SACM1L: variants seen among roughly 807,000 people sequenced by gnomAD.
The protein encoded by SACM1L is SAC1 like phosphatidylinositide phosphatase, also known as phosphatidylinositol-3-phosphatase SAC1.
A neutral mutation model predicts 89.5 loss-of-function variants in SACM1L; 32 were observed. The ratio of observed to expected loss-of-function variants is 0.36; its 90% CI spans 0.27 to 0.48. SACM1L has a LOEUF of 0.48. SACM1L is among the 20% of genes least tolerant of loss of function. The pLI, the probability that SACM1L is intolerant of heterozygous loss-of-function variation, is 0.99. For synonymous variants in SACM1L, 213 were observed against 232.8 expected, an observed-to-expected ratio of 0.92 and a Z score of 0.77; for missense variants, 543 against 708.5, an observed-to-expected ratio of 0.77 and a Z score of 2.65.
At chr3:45,722,715 T>C (rs1183213936) in intron 9 of SACM1L, among the ~76,000 whole-genome samples, 154 bp from the exon 10 acceptor site, 1 of 152,214 alleles carries the variant, frequency 6.6e-6, no homozygotes, top group Non-Finnish European at 1.5e-5. Context: ...ATATGAACTT[T>C]AGGAGCAGAT....
At chr3:45,722,393 C>G (rs1698808871) in intron 9 of SACM1L, among the ~76,000 whole-genome samples, 1 of 152,100 alleles carries the variant, frequency 6.6e-6, no homozygotes, top group Non-Finnish European at 1.5e-5. Context: ...GATGATAGGA[C>G]AAGCTGATGG....
chr3:45,740,717 GTC>G (rs1026148099), intron 19 of SACM1L, among the ~76,000 whole-genome samples: 33 of 152,196 alleles, frequency 2.2e-4, no homozygotes, highest in African/African-American at 7.9e-4. Context: ...CTTTATAAGT[GTC>G]TGTGATTTTT....
At chr3:45,702,512 G>C (rs1698298767) in intron 1 of SACM1L, among the ~76,000 whole-genome samples, 1 of 152,200 alleles carries the variant, frequency 6.6e-6, no homozygotes, top group Admixed American at 6.5e-5. Context: ...GCCTTGCTCA[G>C]CTTCTGGAAA....
chr3:45,726,299 C>G (rs918297412), intron 11 of SACM1L, among the ~76,000 whole-genome samples: 6 of 151,344 alleles, frequency 4.0e-5, no homozygotes, highest in Non-Finnish European at 7.4e-5. Context: ...GTACAATTCA[C>G]TGGTGAGTTC....
At chr3:45,722,541 A>G (rs1047514787) in intron 9 of SACM1L, among the ~76,000 whole-genome samples, 7 of 152,238 alleles carry the variant, frequency 4.6e-5, no homozygotes, top group Admixed American at 2.0e-4. Context: ...AAATGAATAA[A>G]GCAATTTTCT....
At chr3:45,721,377 C>G (rs1186516169) in intron 8 of SACM1L, among the ~76,000 whole-genome samples, 2 of 152,186 alleles carry the variant, frequency 1.3e-5, no homozygotes, top group African/African-American at 4.8e-5. Flanking sequence ...CAAAACTTAG[C>G]TGGGCGTGGT....
chr3:45,702,897 A>T (rs943351285), intron 1 of SACM1L, among the ~76,000 whole-genome samples: 1 of 152,154 alleles, frequency 6.6e-6, no homozygotes, highest in African/African-American at 2.4e-5. Context: ...ATTTGTTTTT[A>T]AAAATTTCCT....
chr3:45,710,650 CAG>C (rs1341593045), intron 5 of SACM1L, among the ~76,000 whole-genome samples: 2 of 151,928 alleles, frequency 1.3e-5, no homozygotes, highest in African/African-American at 2.4e-5. Flanking sequence ...AATGAGAAGA[CAG>C]AATTTAAAAG....
chr3:45,725,728 A>T (rs1051118194), intron 11 of SACM1L, among the ~76,000 whole-genome samples: 4 of 151,500 alleles, frequency 2.6e-5, no homozygotes, highest in Non-Finnish European at 5.9e-5. Context: ...AACTACTAAT[A>T]CTATGTTGAA....
At chr3:45,726,549 T>A (rs1488655003) in intron 11 of SACM1L, among the ~76,000 whole-genome samples, 2 of 152,198 alleles carry the variant, frequency 1.3e-5, no homozygotes, top group Non-Finnish European at 2.9e-5. Flanking sequence ...CAGAAATTGC[T>A]AGTAATGTCC....
chr3:45,731,298 C>T lies in SACM1L; in HGVS notation c.922-3C>T. 6.2e-7 allele frequency: 1 copy of T among 1,602,112 alleles called. No homozygotes were observed. The highest frequency in any genetic ancestry group is 8.5e-7 in the Non-Finnish European group (1 of 1,173,754). ...AAACTATGGTGTTTGAAATTTTTTA[C>T]AGATTAACCAGAAGGGCTCGGAGAA... On this transcript the variant is annotated splice_polypyrimidine_tract_variant and splice_region_variant and intron_variant, in intron 11 of 19. Coordinates refer to ENST00000389061, the MANE Select transcript of SACM1L (RefSeq NM_014016.5).
intron 2 of SACM1L, among the ~76,000 whole-genome samples, chr3:45,703,799 T>C (rs1340100155): frequency 6.6e-6 from 1 of 152,208 alleles, no homozygotes; most frequent in Admixed American, 6.5e-5. Flanking sequence ...TTTATTATTT[T>C]TTTCCCTTAG....
At position 45,722,964 on chromosome 3, in the gene SACM1L, C is replaced by A; in HGVS notation, c.852+9C>A. ...GCAAAGTAGCAAATCACGTGTGTAT[C>A]TTGCATGCCTTTTTTGTTGGTTAAA... On this transcript the variant is annotated intron_variant, in intron 10 of 19. Transcript: ENST00000389061. The A allele has an allele frequency of 1.3e-6, 2 of 1,599,962 alleles. No homozygotes were observed. Among genetic ancestry groups the A allele is most frequent in the Non-Finnish European group, 8.6e-7 (1 of 1,168,208 alleles).
intron 4 of SACM1L, among the ~76,000 whole-genome samples, chr3:45,707,885 CTTGATAAATTTTTTTACA>C (rs1251223427): frequency 6.6e-6 from 1 of 151,392 alleles, no homozygotes; most frequent in Non-Finnish European, 1.5e-5. Context: ...GTTCAAGTCT[CTTGATAAATTTTTTTACA>C]AAGAAAATAT....
intron 7 of SACM1L, among the ~76,000 whole-genome samples, chr3:45,716,334 T>C (rs77559692): frequency 0.011 from 1,640 of 152,210 alleles, 7 homozygotes; most frequent in Middle Eastern, 0.024. Context: ...AAATTAGGCA[T>C]GGTAGCATGT....
intron 1 of SACM1L, among the ~76,000 whole-genome samples, chr3:45,695,975 G>T (rs2742432): frequency 0.48 from 72,749 of 150,238 alleles, 18,062 homozygotes; most frequent in Middle Eastern, 0.57. Context: ...TTCATCCATT[G>T]TGTAGCATGT....
chr3:45,719,787 A>C (rs1031771287), intron 8 of SACM1L, among the ~76,000 whole-genome samples, 186 bp downstream of exon 8: 1 of 152,192 alleles, frequency 6.6e-6, no homozygotes, highest in African/African-American at 2.4e-5. Context: ...TTACATTGCA[A>C]ATGTTAATGT....
chr3:45,711,027 A>G (rs961432680), intron 5 of SACM1L, among the ~76,000 whole-genome samples: 1 of 152,188 alleles, frequency 6.6e-6, no homozygotes, highest in Non-Finnish European at 1.5e-5. Flanking sequence ...GTGGGAGCCT[A>G]CAGTCTGCTG....
intron 1 of SACM1L, among the ~76,000 whole-genome samples, chr3:45,700,634 A>G (rs1189213115): frequency 6.6e-6 from 1 of 151,976 alleles, no homozygotes; most frequent in Non-Finnish European, 1.5e-5. Context: ...ACCCTTACCT[A>G]TCAGTTCTAT....
Sources: gnomAD v4.1 joint callset for allele counts (sites outside exome capture counted in the v4.1 genomes callset) on GRCh38, gnomAD v4.1.1 for gene constraint, MANE v1.5 for transcripts, NCBI Gene and HGNC (gene_info 2026-07-23, HGNC 2026-07-21) for gene names.